Variants in ST8SIA6 observed in about 807,000 individuals in gnomAD.
The protein encoded by ST8SIA6 is alpha-2,8-sialyltransferase 8F.
In ST8SIA6, 39 loss-of-function variants were observed where a neutral mutation model predicts 33.6. That is an observed-to-expected ratio of 1.16 (90% CI 0.90 to 1.52). ST8SIA6 has a LOEUF of 1.52. ST8SIA6 is among the 40% of genes most tolerant of loss of function. The probability of loss-of-function intolerance (pLI) is 0.00; values close to 1 mark genes in which losing one functional copy is unlikely to be tolerated. For missense variants in ST8SIA6, 441 were observed against 443.8 expected, an observed-to-expected ratio of 0.99 and a Z score of 0.06; for synonymous variants, 172 against 167.2, an observed-to-expected ratio of 1.03 and a Z score of -0.22.
chr10:17,337,061 G>C, intron 4 of ST8SIA6, among the ~76,000 whole-genome samples: 1 of 152,046 alleles, frequency 6.6e-6, no homozygotes, highest in Admixed American at 6.6e-5. Context: ...CTGGATCATG[G>C]GGGTGGATTT....
intron 2 of ST8SIA6, among the ~76,000 whole-genome samples, chr10:17,440,575 T>TCCATACATATCCATACATATC: frequency 6.6e-6 from 1 of 152,274 alleles, no homozygotes; most frequent in East Asian, 1.9e-4. Flanking sequence ...ATCCATACAT[T>TCCATACATATCCATACATATC]CATAAGGAGT....
At chr10:17,390,678 T>C (rs1462945859) in intron 2 of ST8SIA6, 58 bp from the exon 3 acceptor site, 2 of 1,392,398 alleles carry the variant, frequency 1.4e-6, no homozygotes, top group African/African-American at 1.4e-5. Flanking sequence ...TTATAAGATA[T>C]TGTTAACAAA....
At chr10:17,358,877 T>C (rs1207262985) in intron 4 of ST8SIA6, among the ~76,000 whole-genome samples, 1 of 152,164 alleles carries the variant, frequency 6.6e-6, no homozygotes, top group Non-Finnish European at 1.5e-5. Context: ...CCTTGATCTA[T>C]GATATGTGGA....
At position 17,439,271 on chromosome 10, in the gene ST8SIA6, C is replaced by CT. The variant is rs146928120; in HGVS notation, c.200+14287dup. 7.5e-3 allele frequency among the ~76,000 whole-genome samples: 936 copies of CT among 124,194 alleles called. 7 individuals carry two copies. Among genetic ancestry groups the CT allele is most frequent in the African/African-American group, 0.016 (529 of 32,204 alleles). The allele number at this position is 124,194 out of a possible 152,430, so 81.5% of individuals were successfully genotyped here. A position where few individuals can be genotyped will look rare whatever the true frequency, so the allele number is the denominator to read the frequency against. The stretch of plus-strand genomic sequence containing the variant: ...ATTACTTTCTGTGCTTCTTCCCTCT[C>CT]TTTTTTTTTTTTTTTTTTTGGAGTT... On this transcript the variant is annotated intron_variant, in intron 2 of 7. Transcript: ENST00000377602.
intron 3 of ST8SIA6, among the ~76,000 whole-genome samples, chr10:17,361,650 C>T (rs1421201518): frequency 6.7e-6 from 1 of 149,346 alleles, no homozygotes; most frequent in East Asian, 2.0e-4. Context: ...GAGTAAGATA[C>T]TTCCCAACTC....
At chr10:17,349,935 AACAC>A (rs72378605) in intron 4 of ST8SIA6, among the ~76,000 whole-genome samples, 25,733 of 151,246 alleles carry the variant, frequency 0.17, 2,463 homozygotes, top group East Asian at 0.49. Context: ...AAATTAAATA[AACAC>A]ACACACACAC....
intron 2 of ST8SIA6, among the ~76,000 whole-genome samples, chr10:17,408,625 A>G (rs1851350009): frequency 6.6e-6 from 1 of 151,858 alleles, no homozygotes; most frequent in Non-Finnish European, 1.5e-5. Flanking sequence ...GTGCCACTGC[A>G]CTCCAGCCTG....
rs191941186 is a variant in ST8SIA6, at chr10:17,444,809, A to G, written c.200+8750T>C. Among the ~76,000 whole-genome samples the G allele has an allele frequency of 7.8e-4, 119 of 152,332 alleles. 1 individual carries two copies. In the South Asian group the frequency reaches 0.018, roughly 23 times the overall value. On this transcript the variant is annotated intron_variant, in intron 2 of 7. Coordinates refer to ENST00000377602, the MANE Select transcript of ST8SIA6 (RefSeq NM_001004470.3). The stretch of plus-strand genomic sequence containing the variant: ...AGTCACATCAGAACAGAGATGGGGG[A>G]GAAACCCCTCTGAGTCTTAAAAGAG...
In ST8SIA6 at chr10:17,394,977, T is replaced by C. The variant is rs560841481; in HGVS notation, c.201-4357A>G. Among the ~76,000 whole-genome samples, 6 of 152,280 alleles carry C rather than the reference T, an allele frequency of 3.9e-5. No homozygotes were observed. In the South Asian group the frequency reaches 1.2e-3, roughly 32 times the overall value. ...GCCCAGGAAGGATTACTGGGTGATG[T>C]GGTTTGGCTGTGTCCCCACCCATAT... On this transcript the variant is annotated intron_variant, in intron 2 of 7. Coordinates refer to ENST00000377602, the MANE Select transcript of ST8SIA6 (RefSeq NM_001004470.3).
chr10:17,324,708 T>TACACAC (rs6143806), intron 6 of ST8SIA6, among the ~76,000 whole-genome samples: 344 of 140,018 alleles, frequency 2.5e-3, no homozygotes, highest in African/African-American at 4.7e-3. Context: ...ATATAGAGTA[T>TACACAC]ACACACACAC....
At chr10:17,393,513 A>G (rs1850695315) in intron 2 of ST8SIA6, among the ~76,000 whole-genome samples, 2 of 152,324 alleles carry the variant, frequency 1.3e-5, no homozygotes, top group Admixed American at 6.5e-5. Flanking sequence ...CAGAATTACA[A>G]TGCATCATTA....
At chr10:17,326,665 C>A (rs1049946496) in intron 6 of ST8SIA6, among the ~76,000 whole-genome samples, 1 of 152,172 alleles carries the variant, frequency 6.6e-6, no homozygotes, top group African/African-American at 2.4e-5. Flanking sequence ...AAAAAAAGAT[C>A]TTCAAGGTCA....
chr10:17,453,527 C>G, intron 2 of ST8SIA6, 32 bp downstream of exon 2: 1 of 1,277,156 alleles, frequency 7.8e-7, no homozygotes, highest in South Asian at 2.9e-5. Flanking sequence ...AGCTCCCGAG[C>G]CCCAGTCCGC....
intron 3 of ST8SIA6, among the ~76,000 whole-genome samples, chr10:17,377,653 C>CA (rs1258779736): frequency 6.6e-6 from 1 of 152,036 alleles, no homozygotes; most frequent in Admixed American, 6.6e-5. Context: ...TTCATTTATT[C>CA]AAAAAATATA....
At chr10:17,360,756 A>G (rs1849354425) in intron 3 of ST8SIA6, among the ~76,000 whole-genome samples, 1 of 152,060 alleles carries the variant, frequency 6.6e-6, no homozygotes, top group African/African-American at 2.4e-5. Context: ...AGGGAAGGGA[A>G]CAAAGAACAG....
intron 3 of ST8SIA6, among the ~76,000 whole-genome samples, chr10:17,368,861 C>G (rs1849645346): frequency 6.6e-6 from 1 of 152,076 alleles, no homozygotes; most frequent in African/African-American, 2.4e-5. Flanking sequence ...CTCATGAATC[C>G]AGTCATGAAG....
intron 2 of ST8SIA6, among the ~76,000 whole-genome samples, chr10:17,412,719 G>A (rs896015102): frequency 4.2e-5 from 6 of 142,104 alleles, no homozygotes; most frequent in African/African-American, 1.5e-4. Context: ...GTACTTAAAA[G>A]TATATATGGT....
At chr10:17,349,112 A>C (rs577060747) in intron 4 of ST8SIA6, among the ~76,000 whole-genome samples, 16 of 152,322 alleles carry the variant, frequency 1.1e-4, no homozygotes, top group African/African-American at 3.8e-4. Flanking sequence ...TAACCTAGAA[A>C]GTTGAAGTTT....
chr10:17,337,627 C>G (rs1049557434), intron 4 of ST8SIA6, among the ~76,000 whole-genome samples: 2 of 152,076 alleles, frequency 1.3e-5, no homozygotes, highest in African/African-American at 4.8e-5. Context: ...AGAGTAAGAG[C>G]CAGTGTTGGT....
Sources: gnomAD v4.1 joint callset for allele counts (sites outside exome capture counted in the v4.1 genomes callset) on GRCh38, gnomAD v4.1.1 for gene constraint, MANE v1.5 for transcripts, NCBI Gene and HGNC (gene_info 2026-07-23, HGNC 2026-07-21) for gene names.